Variants in ARHGAP17 observed in about 807,000 individuals in gnomAD.
ARHGAP17 encodes Rho GTPase activating protein 17.
A neutral mutation model predicts 99.5 loss-of-function variants in ARHGAP17; 57 were observed. That is an observed-to-expected ratio of 0.57 (90% CI 0.46 to 0.71). The LOEUF (loss-of-function observed/expected upper bound fraction) is 0.71. ARHGAP17 is among the 30% of genes least tolerant of loss of function. The pLI, the probability that ARHGAP17 is intolerant of heterozygous loss-of-function variation, is 0.00. For missense variants in ARHGAP17, 1,000 were observed against 1,122.4 expected, an observed-to-expected ratio of 0.89 and a Z score of 1.56; for synonymous variants, 417 against 429.6, an observed-to-expected ratio of 0.97 and a Z score of 0.36.
chr16:24,981,362 T>C (rs758276326), intron 1 of ARHGAP17, among the ~76,000 whole-genome samples: 2 of 152,166 alleles, frequency 1.3e-5, no homozygotes, highest in Admixed American at 6.5e-5. Flanking sequence ...GTAACTAGTA[T>C]GCTCAGCTGC....
intron 7 of ARHGAP17, 23 bp from the exon 8 acceptor site, chr16:24,960,002 G>A: frequency 1.2e-6 from 2 of 1,610,246 alleles, no homozygotes; most frequent in Non-Finnish European, 1.7e-6. Context: ...AAGATAAGAG[G>A]TTATTGAAGA....
chr16:24,935,261 T>G (rs559720869), intron 18 of ARHGAP17, among the ~76,000 whole-genome samples: 9 of 152,352 alleles, frequency 5.9e-5, no homozygotes, highest in African/African-American at 2.2e-4. Context: ...TTGTCACGCC[T>G]AAGGAAAAAC....
intron 7 of ARHGAP17, among the ~76,000 whole-genome samples, chr16:24,961,518 A>ATT (rs1171754361): frequency 0.047 from 3,861 of 81,518 alleles, 149 homozygotes; most frequent in East Asian, 0.066. Context: ...AAAAAAAAAA[A>ATT]TTTTTTTTTT....
intron 10 of ARHGAP17, 80 bp downstream of exon 10, chr16:24,954,523 G>A: frequency 6.5e-7 from 1 of 1,527,892 alleles, no homozygotes; most frequent in East Asian, 2.3e-5. Context: ...GGTGGACAGG[G>A]GGCTGGCGGG....
At chr16:24,943,965 T>C (rs968953880) in intron 14 of ARHGAP17, 103 bp from the exon 15 acceptor site, 1 of 1,093,380 alleles carries the variant, frequency 9.1e-7, no homozygotes, top group South Asian at 1.4e-5. Flanking sequence ...ATAAAATATT[T>C]AAAAGATGCA....
chr16:24,951,609 G>T (rs1391662047), intron 12 of ARHGAP17, among the ~76,000 whole-genome samples: 1 of 152,014 alleles, frequency 6.6e-6, no homozygotes, highest in African/African-American at 2.4e-5. Context: ...CAACCTACTC[G>T]ACATGAAGAC....
intron 2 of ARHGAP17, among the ~76,000 whole-genome samples, chr16:24,978,587 T>TA (rs1175057181): frequency 6.6e-6 from 1 of 152,134 alleles, no homozygotes; most frequent in Non-Finnish European, 1.5e-5. Context: ...ATCTAGCACT[T>TA]ACCACGTGCC....
At chr16:24,934,815 G>A (rs2051089983) in intron 18 of ARHGAP17, among the ~76,000 whole-genome samples, 1 of 152,148 alleles carries the variant, frequency 6.6e-6, no homozygotes, top group Admixed American at 6.5e-5. Context: ...GTGAAGATAT[G>A]GGACAGAATG....
At chr16:24,992,321 T>C (rs1191981593) in intron 1 of ARHGAP17, among the ~76,000 whole-genome samples, 1 of 152,038 alleles carries the variant, frequency 6.6e-6, no homozygotes, top group East Asian at 1.9e-4. Flanking sequence ...CAATGACACA[T>C]AGCTATTTTT....
chr16:24,934,503 G>T (rs2051080742), intron 18 of ARHGAP17, among the ~76,000 whole-genome samples: 1 of 151,740 alleles, frequency 6.6e-6, no homozygotes, highest in South Asian at 2.1e-4. Context: ...GTCCAGGCTG[G>T]AGTGCGGTGG....
intron 19 of ARHGAP17, among the ~76,000 whole-genome samples, chr16:24,925,790 G>A (rs896952900): frequency 6.6e-6 from 1 of 152,124 alleles, no homozygotes; most frequent in Admixed American, 6.5e-5. Context: ...TTATGCTCAT[G>A]TACCTCCTTG....
chr16:24,922,207 G>A (rs553575462), intron 19 of ARHGAP17, among the ~76,000 whole-genome samples: 61 of 152,334 alleles, frequency 4.0e-4, no homozygotes, highest in African/African-American at 1.3e-3. Flanking sequence ...ACCAGCCCGT[G>A]TCTCTTCTCA....
chr16:24,988,687 C>T (rs1415388615), intron 1 of ARHGAP17, among the ~76,000 whole-genome samples: 2 of 152,144 alleles, frequency 1.3e-5, no homozygotes, highest in South Asian at 2.1e-4. Context: ...ACCCACGCAG[C>T]GTTTTGTTCG....
chr16:24,952,166 T>C, intron 12 of ARHGAP17, 123 bp downstream of exon 12: 1 of 646,950 alleles, frequency 1.5e-6, no homozygotes, highest in East Asian at 3.0e-5. Flanking sequence ...AGCTGAGACA[T>C]GTATTATTTA....
At chr16:25,006,093 TCCAGCTCAAG>T (rs1275152305) in intron 1 of ARHGAP17, among the ~76,000 whole-genome samples, 4 of 151,988 alleles carry the variant, frequency 2.6e-5, no homozygotes, top group Non-Finnish European at 4.4e-5. Flanking sequence ...GTAGATACAA[TCCAGCTCAAG>T]CCAGCTCAAG....
At chr16:24,933,458 G>A (rs1345696265) in intron 18 of ARHGAP17, among the ~76,000 whole-genome samples, 2 of 151,142 alleles carry the variant, frequency 1.3e-5, no homozygotes, top group African/African-American at 4.9e-5. Context: ...TTCCAGCATG[G>A]GTGAGAAAAC....
At chr16:24,926,063 T>A (rs1445338042) in intron 19 of ARHGAP17, among the ~76,000 whole-genome samples, 1 of 142,684 alleles carries the variant, frequency 7.0e-6, no homozygotes, top group Non-Finnish European at 1.5e-5. Flanking sequence ...TGAGCCAAGA[T>A]CGTGCCACTG....
rs944948943 is a variant in ARHGAP17, at chr16:25,015,319, T to C, written c.-58A>G. 5 of 1,250,790 alleles carry C rather than the reference T, an allele frequency of 4.0e-6. No homozygotes were observed. The highest frequency in any genetic ancestry group is 5.0e-6 in the Non-Finnish European group (5 of 992,488). The allele number at this position is 1,250,790 out of a possible 1,614,324, so 77.5% of individuals were successfully genotyped here. A position where few individuals can be genotyped will look rare whatever the true frequency, so the allele number is the denominator to read the frequency against. On this transcript the variant is annotated 5_prime_UTR_variant, in exon 1 of 20. Transcript: ENST00000289968. ...GGGCCGGGCAGGGCGGGGGACAGCCTGGCAGCTACTACATCGCTTCCCGGC... is the reference window on the plus strand; with the variant it reads ...GGGCCGGGCAGGGCGGGGGACAGCCCGGCAGCTACTACATCGCTTCCCGGC...
chr16:24,926,629 CTA>C (rs2050850317), intron 19 of ARHGAP17, among the ~76,000 whole-genome samples: 1 of 152,234 alleles, frequency 6.6e-6, no homozygotes, highest in Admixed American at 6.5e-5. Context: ...AAAGCAAACA[CTA>C]TGAAATTAGC....
Sources: gnomAD v4.1 joint callset for allele counts (sites outside exome capture counted in the v4.1 genomes callset) on GRCh38, gnomAD v4.1.1 for gene constraint, MANE v1.5 for transcripts, NCBI Gene and HGNC (gene_info 2026-07-23, HGNC 2026-07-21) for gene names.